DENND1A: variants seen among roughly 807,000 people sequenced by gnomAD.
DENND1A encodes DENN domain containing 1A, also known as DENN domain-containing protein 1A.
In DENND1A, 51 loss-of-function variants were observed where a neutral mutation model predicts 113.7. The ratio of observed to expected loss-of-function variants is 0.45; its 90% CI spans 0.36 to 0.57. The LOEUF (loss-of-function observed/expected upper bound fraction) is 0.57, where lower values mean the gene tolerates loss of function less well. Ranked by LOEUF, DENND1A falls within the 20% of genes least tolerant of loss-of-function variation. The pLI, the probability that DENND1A is intolerant of heterozygous loss-of-function variation, is 0.00. For missense variants in DENND1A, 1,258 were observed against 1,395.9 expected (o/e 0.90, Z 1.57); for synonymous variants, 565 against 570.8 (o/e 0.99, Z 0.14).
chr9:123,396,513 C>G (rs1198542459), intron 21 of DENND1A, among the ~76,000 whole-genome samples: 1 of 152,252 alleles, frequency 6.6e-6, no homozygotes, highest in South Asian at 2.1e-4. Flanking sequence ...ACAAGCGGCA[C>G]GCCAGCTTTT....
rs2045363053 is a variant in DENND1A at position 123,422,193 on chromosome 9, G to A, written c.1489-10364C>T. On this transcript the variant is annotated intron_variant, in intron 19 of 23. Transcript: ENST00000394215. This position sits in a 1 kb window ranked among gnomAD's most constrained non-coding sequence, Gnocchi z 4.8. ...AAGTAAATGGCTGCCCAAGAGTGGGGAACTAGCATCAAATTATCAGTGAAG... is the reference window on the plus strand; with the variant it reads ...AAGTAAATGGCTGCCCAAGAGTGGGAAACTAGCATCAAATTATCAGTGAAG... 1.3e-5 allele frequency among the ~76,000 whole-genome samples: 2 copies of A among 152,160 alleles called. No homozygotes were observed. Among genetic ancestry groups the A allele is most frequent in the South Asian group, 4.1e-4 (2 of 4,832 alleles).
intron 13 of DENND1A, among the ~76,000 whole-genome samples, chr9:123,513,247 A>G (rs1409693394): frequency 6.6e-6 from 1 of 152,220 alleles, no homozygotes; most frequent in Non-Finnish European, 1.5e-5. Flanking sequence ...TCAGCCTGGC[A>G]CACTGAATGG....
intron 13 of DENND1A, among the ~76,000 whole-genome samples, chr9:123,529,516 G>A (rs1179953706): frequency 2.0e-5 from 3 of 152,026 alleles, no homozygotes; most frequent in African/African-American, 4.8e-5. Context: ...CTACCGAGAA[G>A]AGACAAGTGG....
At chr9:123,812,198 T>A (rs1836737261) in intron 2 of DENND1A, among the ~76,000 whole-genome samples, 1 of 152,242 alleles carries the variant, frequency 6.6e-6, no homozygotes, top group African/African-American at 2.4e-5. Context: ...TTTTGTATTT[T>A]TAACATTTAT....
At chr9:123,439,139 T>TG (rs1468004021) in intron 19 of DENND1A, among the ~76,000 whole-genome samples, 1 of 152,198 alleles carries the variant, frequency 6.6e-6, no homozygotes, top group African/African-American at 2.4e-5. Flanking sequence ...AGCCTGGAGC[T>TG]GGGGGGAGGC....
At chr9:123,811,022 G>T (rs765979992) in intron 2 of DENND1A, among the ~76,000 whole-genome samples, 1 of 151,710 alleles carries the variant, frequency 6.6e-6, no homozygotes, top group Non-Finnish European at 1.5e-5. Flanking sequence ...GCCTCCCAAA[G>T]TGCCGGGATT....
chr9:123,442,309 C>G (rs933133728), intron 18 of DENND1A, among the ~76,000 whole-genome samples: 2 of 152,074 alleles, frequency 1.3e-5, no homozygotes, highest in Admixed American at 1.3e-4. Flanking sequence ...CACGTTTGAT[C>G]AACCAGTCTC....
intron 21 of DENND1A, among the ~76,000 whole-genome samples, chr9:123,395,396 G>C (rs1381855039): frequency 6.6e-6 from 1 of 152,034 alleles, no homozygotes; most frequent in Non-Finnish European, 1.5e-5. Flanking sequence ...TGCTCTTCCA[G>C]TTTAGGCTCA....
intron 5 of DENND1A, among the ~76,000 whole-genome samples, chr9:123,681,326 G>A (rs1304149376): frequency 1.4e-5 from 2 of 144,564 alleles, no homozygotes; most frequent in African/African-American, 2.5e-5. Context: ...CAAAGTGGGG[G>A]TCGGGGGAGG....
intron 21 of DENND1A, among the ~76,000 whole-genome samples, chr9:123,395,862 A>G (rs532568032): frequency 6.6e-6 from 1 of 152,292 alleles, no homozygotes; most frequent in Admixed American, 6.5e-5. Flanking sequence ...CTCTGCCTTC[A>G]GATTCCTTTG....
chr9:123,640,624 C>T (rs189979744), intron 9 of DENND1A, among the ~76,000 whole-genome samples: 4 of 152,220 alleles, frequency 2.6e-5, no homozygotes, highest in South Asian at 4.1e-4. Context: ...AGAGTCAAAT[C>T]GGGGTTTATG....
At chr9:123,899,746 G>A (rs1465175878) in intron 1 of DENND1A, among the ~76,000 whole-genome samples, 3 of 152,078 alleles carry the variant, frequency 2.0e-5, no homozygotes, top group Non-Finnish European at 4.4e-5. Context: ...GTTCTTTCCT[G>A]TGCAATGTGA....
chr9:123,758,567 T>C (rs763586774), intron 4 of DENND1A, among the ~76,000 whole-genome samples: 12 of 152,200 alleles, frequency 7.9e-5, no homozygotes, highest in Non-Finnish European at 1.6e-4. Flanking sequence ...TCTTTCATAA[T>C]TTCTGAATTT....
At position 123,485,486 on chromosome 9, in the gene DENND1A, T is replaced by A. The variant is rs2050721093; in HGVS notation, c.994-27589A>T. 3 of 152,176 alleles carry A rather than the reference T, an allele frequency of 2.0e-5. No individual in the cohort carries two copies. In the South Asian group the frequency reaches 6.2e-4, roughly 32 times the overall value. 9.4% of individuals were successfully genotyped at this position (152,176 alleles called of 1,614,324 possible). On this transcript the variant is annotated intron_variant, in intron 13 of 23. Transcript: ENST00000394215. ...AGGAGCTAATCATTAAGCTCTGTAA[T>A]CTCCTCCGCTGAACACCAGCAGATC... is the stretch of plus-strand genomic sequence containing the variant.
rs540498905 is a variant in DENND1A at position 123,524,669 on chromosome 9, G to A, written c.993+32901C>T. ...GCAGATGAACCAGGGCGGTCTTCCC[G>A]ACTGGAATCTCTTCAATGACAATGT... On this transcript the variant is annotated intron_variant, in intron 13 of 23. Coordinates refer to ENST00000394215, the MANE Select transcript of DENND1A (RefSeq NM_001352964.2). 1.4e-4 allele frequency among the ~76,000 whole-genome samples: 21 copies of A among 152,320 alleles called. 2 individuals are homozygous for A. In the South Asian group the frequency reaches 4.2e-3, roughly 30 times the overall value.
chr9:123,874,510 C>T (rs1036843298), intron 2 of DENND1A, among the ~76,000 whole-genome samples: 1 of 152,114 alleles, frequency 6.6e-6, no homozygotes, highest in African/African-American at 2.4e-5. Context: ...GAGGCTAGTA[C>T]CATCTACTAA....
At chr9:123,418,553 G>C (rs1378055104) in intron 19 of DENND1A, among the ~76,000 whole-genome samples, 1 of 152,262 alleles carries the variant, frequency 6.6e-6, no homozygotes, top group Non-Finnish European at 1.5e-5. Flanking sequence ...GGGCTGCAGG[G>C]TGGAAAACGC....
intron 9 of DENND1A, among the ~76,000 whole-genome samples, chr9:123,641,635 C>T (rs1160404323): frequency 2.0e-5 from 3 of 152,108 alleles, no homozygotes; most frequent in Non-Finnish European, 1.5e-5. Context: ...TTTTTAAGTG[C>T]CAGTCGGTAC....
At chr9:123,811,370 T>C (rs1836574741) in intron 2 of DENND1A, among the ~76,000 whole-genome samples, 1 of 152,216 alleles carries the variant, frequency 6.6e-6, no homozygotes, top group South Asian at 2.1e-4. Context: ...ACTAAGAGTA[T>C]GGCTGGATGG....
Sources: gnomAD v4.1 joint callset for allele counts (sites outside exome capture counted in the v4.1 genomes callset) on GRCh38, gnomAD v4.1.1 for gene constraint, Gnocchi (gnomAD v3.1) non-coding constraint, MANE v1.5 for transcripts, NCBI Gene and HGNC (gene_info 2026-07-23, HGNC 2026-07-21) for gene names.